The following CDON variants were observed in gnomAD, a reference collection of about 807,000 sequenced individuals.
The protein encoded by CDON is cell adhesion associated, oncogene regulated, also known as cell adhesion molecule-related/down-regulated by oncogenes.
A neutral mutation model predicts 120.9 loss-of-function variants in CDON; 73 were observed. The ratio of observed to expected loss-of-function variants is 0.60; its 90% CI spans 0.50 to 0.73. CDON has a LOEUF of 0.73. Among genes scored for constraint, CDON ranks in the 30% least tolerant of loss-of-function variants. The pLI, the probability that CDON is intolerant of heterozygous loss-of-function variation, is 0.00. For synonymous variants in CDON, 566 were observed against 573.5 expected, an observed-to-expected ratio of 0.99 and a Z score of 0.19; for missense variants, 1,470 against 1,587.3, an observed-to-expected ratio of 0.93 and a Z score of 1.26.
At chr11:125,987,726 A>G (rs1424983390) in intron 15 of CDON, among the ~76,000 whole-genome samples, 1 of 152,240 alleles carries the variant, frequency 6.6e-6, no homozygotes. Context: ...GGGGACAGAG[A>G]TGATAAATTT....
rs567536297 is a variant in CDON, at chr11:126,023,311, A to G, written c.76+90T>C. 9.3e-6 allele frequency: 8 copies of G among 859,454 alleles called. No individual in the cohort carries two copies. In the East Asian group the frequency reaches 9.6e-5, roughly 10 times the overall value. The allele number at this position is 859,454 out of a possible 1,614,324, so 53.2% of individuals were successfully genotyped here. Reference sequence around the variant, plus strand: ...CTTAGAAACATCTTTAGATAGCACCATTATCACAAAGCATTGAAGTACAAA... The same window carrying G: ...CTTAGAAACATCTTTAGATAGCACCGTTATCACAAAGCATTGAAGTACAAA... On this transcript the variant is annotated intron_variant, in intron 2 of 19. Coordinates refer to ENST00000531738, the MANE Select transcript of CDON (RefSeq NM_001378964.1).
chr11:126,014,455 T>C (rs536224624), intron 7 of CDON, among the ~76,000 whole-genome samples: 1 of 152,208 alleles, frequency 6.6e-6, no homozygotes, highest in Non-Finnish European at 1.5e-5. Flanking sequence ...GAGAGTTAAG[T>C]ATTGCTGGTG....
At position 126,010,504 on chromosome 11, in the gene CDON, T is replaced by G. The variant is rs1434214033; in HGVS notation, c.1389A>C (p.Ser463=). 8.1e-6 allele frequency: 13 copies of G among 1,614,024 alleles called. No homozygotes were observed. In the East Asian group the frequency reaches 2.9e-4, roughly 36 times the overall value. ...LRSKSRKSQL[S]RPEGLNLEPV... is the part of the protein sequence containing the mutation. ...GCTCCAGGTTCAAGCCCTCAGGTCTTGATAACTGTGATTTTCGGGATTTCG... is the reference window on the plus strand; with the variant it reads ...GCTCCAGGTTCAAGCCCTCAGGTCTGGATAACTGTGATTTTCGGGATTTCG... The change falls in exon 8 of 20, where the codon TCA becomes TCC. Residue 463 remains serine, a synonymous_variant. Coordinates refer to ENST00000531738, the MANE Select transcript of CDON (RefSeq NM_001378964.1).
At chr11:126,014,252 C>T in intron 7 of CDON, among the ~76,000 whole-genome samples, 1 of 151,954 alleles carries the variant, frequency 6.6e-6, no homozygotes, top group East Asian at 1.9e-4. Context: ...CTAATTTTTT[C>T]AATGAGCGAA....
chr11:126,012,450 G>C (rs1252376380), intron 7 of CDON, among the ~76,000 whole-genome samples: 1 of 151,814 alleles, frequency 6.6e-6, no homozygotes, highest in African/African-American at 2.4e-5. Flanking sequence ...CGCCCAGGCC[G>C]GAGTGCAGTA....
rs1359172841 is a variant in CDON at position 125,991,143 on chromosome 11, T to TA, written c.2651-1385dup. ...AAATGGCATTAAACTAGGCTTCTGA[T>TA]ATGTTACTAAGAAGAGAAAAATAGT... On this transcript the variant is annotated intron_variant, in intron 14 of 19. Transcript: ENST00000531738. Among the ~76,000 whole-genome samples, 3 of 152,226 alleles carry TA rather than the reference T, an allele frequency of 2.0e-5. No individual in the cohort carries two copies. In the East Asian group the frequency reaches 5.8e-4, roughly 29 times the overall value.
intron 8 of CDON, among the ~76,000 whole-genome samples, chr11:126,006,820 G>A (rs898397962): frequency 3.3e-5 from 5 of 151,954 alleles, no homozygotes; most frequent in Admixed American, 3.3e-4. Flanking sequence ...GTTGCATACA[G>A]TCAAAGATAA....
At chr11:126,048,293 A>AAAAAG (rs1362893511) in intron 1 of CDON, among the ~76,000 whole-genome samples, 22 of 151,800 alleles carry the variant, frequency 1.4e-4, no homozygotes, top group Admixed American at 7.9e-4. Context: ...AAAAAAAAAA[A>AAAAAG]AAAGAAAAGA....
rs149532977 is a variant in CDON at position 125,981,161 on chromosome 11, T to C, written c.3164A>G (p.Asn1055Ser). The C allele has an allele frequency of 6.6e-5, 107 of 1,614,102 alleles. No individual in the cohort carries two copies. Among genetic ancestry groups the C allele is most frequent in the South Asian group, 3.3e-4 (30 of 91,076 alleles). The change falls in exon 17 of 20, where the codon AAT becomes AGT. Residue 1055 changes from asparagine to serine, a missense_variant. Physicochemically the swap from Asn to Ser is conservative, Grantham distance 46. Coordinates refer to ENST00000531738, the MANE Select transcript of CDON (RefSeq NM_001378964.1). ...GYSHLHHKVP[N>S]AVNGIVNGSL... ...CCCATTCACAATTCCATTGACTGCA[T>C]TGGGGACCTTATGGTGAAGGTGGGA... is the stretch of plus-strand genomic sequence containing the variant.
chr11:125,994,520 T>A (rs1431453723), intron 13 of CDON, 131 bp from the exon 14 acceptor site: 1 of 681,118 alleles, frequency 1.5e-6, no homozygotes, highest in Non-Finnish European at 2.6e-6. Context: ...TGGCCATTTT[T>A]AATTTACTTC....
chr11:126,063,286 G>A (rs899993739), upstream of CDON: 1 of 152,370 alleles, frequency 6.6e-6, no homozygotes, highest in Non-Finnish European at 1.5e-5. Context: ...CATTCCCTTG[G>A]AGAGACGGCT....
chr11:126,046,042 A>G (rs1948399599), intron 1 of CDON, among the ~76,000 whole-genome samples: 1 of 152,142 alleles, frequency 6.6e-6, no homozygotes, highest in African/African-American at 2.4e-5. Flanking sequence ...AAAATACAGA[A>G]TATTATCATC....
At chr11:126,036,647 G>A (rs1013496931) in intron 1 of CDON, among the ~76,000 whole-genome samples, 2 of 152,194 alleles carry the variant, frequency 1.3e-5, no homozygotes, top group African/African-American at 4.8e-5. Context: ...CAACATGAGG[G>A]TTTCTTTTGT....
chr11:125,993,934 GAA>G (rs1168921408), intron 14 of CDON, among the ~76,000 whole-genome samples: 3 of 152,204 alleles, frequency 2.0e-5, no homozygotes, highest in Non-Finnish European at 1.5e-5. Context: ...AGACTCCAGT[GAA>G]AATGAGTGAG....
At chr11:125,993,289 T>C (rs571508813) in intron 14 of CDON, among the ~76,000 whole-genome samples, 2 of 152,300 alleles carry the variant, frequency 1.3e-5, no homozygotes, top group East Asian at 3.9e-4. Context: ...GAAAAGGTCC[T>C]ATGCTCACAA....
At chr11:125,973,532 GAAAACAAAAACA>G (rs576467169) in intron 18 of CDON, among the ~76,000 whole-genome samples, 4 of 152,026 alleles carry the variant, frequency 2.6e-5, no homozygotes, top group African/African-American at 9.7e-5. Context: ...CTCCATCTCA[GAAAACAAAAACA>G]AAAACAAAAA....
chr11:126,000,330 C>A (rs1262253512), intron 11 of CDON, among the ~76,000 whole-genome samples: 1 of 152,158 alleles, frequency 6.6e-6, no homozygotes, highest in Non-Finnish European at 1.5e-5. Context: ...GCCTCAGCCT[C>A]CTGAGTAGCT....
chr11:125,980,262 C>A (rs868847254), intron 17 of CDON, among the ~76,000 whole-genome samples: 4 of 152,148 alleles, frequency 2.6e-5, no homozygotes, highest in African/African-American at 9.7e-5. Context: ...AAAAATTAAA[C>A]GCTATCAACT....
chr11:125,980,646 C>T (rs1026200545), intron 17 of CDON, among the ~76,000 whole-genome samples: 3 of 152,196 alleles, frequency 2.0e-5, no homozygotes, highest in African/African-American at 4.8e-5. Flanking sequence ...AGGTGGCCAT[C>T]GCCTCCAGTG....
Sources: gnomAD v4.1 joint callset for allele counts (sites outside exome capture counted in the v4.1 genomes callset) on GRCh38, gnomAD v4.1.1 for gene constraint, MANE v1.5 for transcripts, NCBI Gene and HGNC (gene_info 2026-07-23, HGNC 2026-07-21) for gene names.